The following NLGN1 variants were observed in gnomAD, a reference collection of about 807,000 sequenced individuals.
NLGN1 encodes neuroligin 1.
In NLGN1, 12 loss-of-function variants were observed where a neutral mutation model predicts 65.5. The ratio of observed to expected loss-of-function variants is 0.18; its 90% CI spans 0.12 to 0.30. The LOEUF (loss-of-function observed/expected upper bound fraction) is 0.30. NLGN1 is among the 10% of genes least tolerant of loss of function. The pLI is 1.00. For missense variants in NLGN1, 750 were observed against 1,007.1 expected (o/e 0.74, Z 3.46); for synonymous variants, 350 against 359.5 (o/e 0.97, Z 0.30).
chr3:173,994,491 A>AAAAAAAAAAAAAGAG lies in NLGN1; in HGVS notation c.646+186660_646+186661insAAAAAAAAAAAGAGA, dbSNP rs10688223. ...AAAAAAAAAAAAAAAAAAAAAAAAAAAGAGAGAGAGAGAGCCTAATTAGTA... is the reference window on the plus strand; with the variant it reads ...AAAAAAAAAAAAAAAAAAAAAAAAAAAAAAAAAAAAAAGAGAGAGAGAGAGAGAGCCTAATTAGTA... On this transcript the variant is annotated intron_variant, in intron 4 of 6. Transcript: ENST00000457714. Among the ~76,000 whole-genome samples, 5 of 81,250 alleles carry AAAAAAAAAAAAAGAG rather than the reference A, an allele frequency of 6.2e-5. 1 individual carries two copies. The highest frequency in any genetic ancestry group is 4.7e-4 in the Admixed American group (3 of 6,384). The allele number at this position is 81,250 out of a possible 152,430, so 53.3% of individuals were successfully genotyped here.
At chr3:174,092,024 A>G (rs1744614442) in intron 4 of NLGN1, among the ~76,000 whole-genome samples, 1 of 152,232 alleles carries the variant, frequency 6.6e-6, no homozygotes, top group Admixed American at 6.5e-5. Context: ...ATAAAGATAA[A>G]TATGTCCAAA....
intron 4 of NLGN1, among the ~76,000 whole-genome samples, chr3:174,103,891 A>C (rs969611370): frequency 8.6e-5 from 13 of 152,036 alleles, no homozygotes; most frequent in Admixed American, 7.9e-4. Flanking sequence ...GTTATAGCTA[A>C]CACTGTGTAC....
intron 2 of NLGN1, among the ~76,000 whole-genome samples, chr3:173,575,077 G>C (rs1284100008): frequency 2.0e-5 from 3 of 152,132 alleles, no homozygotes; most frequent in Non-Finnish European, 2.9e-5. Context: ...CATAGAGACA[G>C]AGTCTCACTG....
chr3:173,530,574 A>T (rs1203583160), intron 2 of NLGN1, among the ~76,000 whole-genome samples: 1 of 152,152 alleles, frequency 6.6e-6, no homozygotes, highest in African/African-American at 2.4e-5. Context: ...GTGAATTAAA[A>T]ATTTTCATCA....
intron 4 of NLGN1, among the ~76,000 whole-genome samples, chr3:173,832,321 C>T (rs1472349772): frequency 6.6e-6 from 1 of 152,188 alleles, no homozygotes; most frequent in Non-Finnish European, 1.5e-5. Flanking sequence ...CAAAATTTCT[C>T]ATGTTTCTTC....
chr3:173,965,395 G>C (rs781540075), intron 4 of NLGN1, among the ~76,000 whole-genome samples: 5 of 151,798 alleles, frequency 3.3e-5, no homozygotes, highest in Admixed American at 6.6e-5. Flanking sequence ...TTGGCTCACT[G>C]CAGGCTCCAC....
intron 4 of NLGN1, among the ~76,000 whole-genome samples, chr3:173,936,137 G>A (rs1745036214): frequency 6.6e-6 from 1 of 151,102 alleles, no homozygotes; most frequent in Non-Finnish European, 1.5e-5. Flanking sequence ...CTTATGTAAT[G>A]GTTCTCACAA....
At chr3:173,659,996 T>C (rs2149686071) in intron 3 of NLGN1, among the ~76,000 whole-genome samples, 1 of 152,120 alleles carries the variant, frequency 6.6e-6, no homozygotes, top group Non-Finnish European at 1.5e-5. Context: ...AACTGGCAGA[T>C]ATGCAAGTTT....
rs140772917 is a variant in NLGN1, at chr3:174,255,637, C to CTATTTATTTATT, written c.647-19652_647-19641dup. Among the ~76,000 whole-genome samples, 331 of 141,940 alleles carry CTATTTATTTATT rather than the reference C, an allele frequency of 2.3e-3. 1 individual carries two copies. Among genetic ancestry groups the CTATTTATTTATT allele is most frequent in the Middle Eastern group, 0.014 (4 of 276 alleles). The allele number at this position is 141,940 out of a possible 152,430, so 93.1% of individuals were successfully genotyped here. A position where few individuals can be genotyped will look rare whatever the true frequency, so the allele number is the denominator to read the frequency against. On this transcript the variant is annotated intron_variant, in intron 4 of 6. Transcript: ENST00000457714. ...TCTTTTTCTCTTTCTTTCTTTTCTT[C>CTATTTATTTATT]TATTTATTTATTTATTTATTTATTT...
chr3:173,731,028 C>T (rs751616240), intron 3 of NLGN1, among the ~76,000 whole-genome samples: 19 of 152,104 alleles, frequency 1.2e-4, no homozygotes, highest in Non-Finnish European at 2.6e-4. Context: ...TATTCTGTCT[C>T]TTGGAGCGGC....
intron 4 of NLGN1, among the ~76,000 whole-genome samples, chr3:173,929,965 A>G (rs1743781610): frequency 6.6e-6 from 1 of 152,220 alleles, no homozygotes; most frequent in East Asian, 1.9e-4. Flanking sequence ...TCAGCCTCCC[A>G]AGTTCTGGGA....
At chr3:173,701,606 G>C (rs925420501) in intron 3 of NLGN1, among the ~76,000 whole-genome samples, 1 of 152,124 alleles carries the variant, frequency 6.6e-6, no homozygotes, top group African/African-American at 2.4e-5. Flanking sequence ...CTAAATTTGT[G>C]GTGATTTGTT....
intron 4 of NLGN1, among the ~76,000 whole-genome samples, chr3:174,049,310 A>G (rs1243925455): frequency 1.3e-5 from 2 of 152,132 alleles, no homozygotes; most frequent in East Asian, 3.9e-4. Context: ...AATATGTTGG[A>G]TGATGAAAAG....
At chr3:173,568,144 C>A (rs1330859141) in intron 2 of NLGN1, among the ~76,000 whole-genome samples, 1 of 149,588 alleles carries the variant, frequency 6.7e-6, no homozygotes, top group Non-Finnish European at 1.5e-5. Context: ...TTCCTTCCTT[C>A]CTTCCTTCCT....
intron 3 of NLGN1, among the ~76,000 whole-genome samples, chr3:173,610,161 A>C (rs1434667587): frequency 6.6e-6 from 1 of 151,944 alleles, no homozygotes; most frequent in Non-Finnish European, 1.5e-5. Context: ...TAGATTCTTC[A>C]TATATTTTAA....
intron 4 of NLGN1, among the ~76,000 whole-genome samples, chr3:173,946,917 AG>A: frequency 6.6e-6 from 1 of 152,196 alleles, no homozygotes; most frequent in African/African-American, 2.4e-5. Flanking sequence ...TGAGGGCTCT[AG>A]GGCATCAGAA....
Position 174,271,820 on chromosome 3 carries a change from G to A in NLGN1, c.647-3495G>A, listed in dbSNP as rs145956200. Among the ~76,000 whole-genome samples the A allele has an allele frequency of 1.8e-3, 267 of 151,756 alleles. 2 individuals carry two copies. The highest frequency in any genetic ancestry group is 5.7e-3 in the African/African-American group (236 of 41,474). On this transcript the variant is annotated intron_variant, in intron 4 of 6. Transcript: ENST00000457714. ...AAATAGGTGAATGACAATTGTAATAGACACGTGAATCAGTCAAATAATTTT... is the reference window on the plus strand; with the variant it reads ...AAATAGGTGAATGACAATTGTAATAAACACGTGAATCAGTCAAATAATTTT...
intron 4 of NLGN1, among the ~76,000 whole-genome samples, chr3:173,921,481 T>C (rs1268771647): frequency 2.0e-5 from 3 of 151,788 alleles, no homozygotes; most frequent in African/African-American, 4.8e-5. Flanking sequence ...GTTTTAATTG[T>C]GATCAAATCT....
intron 2 of NLGN1, among the ~76,000 whole-genome samples, chr3:173,584,075 A>AG (rs1467012483): frequency 2.0e-5 from 3 of 151,572 alleles, no homozygotes; most frequent in Non-Finnish European, 4.4e-5. Flanking sequence ...TTGTAGACAA[A>AG]AAAAAAAAAA....
Sources: allele counts gnomAD v4.1 joint callset (sites outside exome capture counted in the v4.1 genomes callset), GRCh38; gene constraint gnomAD v4.1.1; transcripts MANE v1.5; gene names NCBI Gene and HGNC (gene_info 2026-07-23, HGNC 2026-07-21).